CRYBB3: variants seen among roughly 807,000 people sequenced by gnomAD.
CRYBB3 encodes the protein crystallin beta B3.
A neutral mutation model predicts 28.3 loss-of-function variants in CRYBB3; 35 were observed. The ratio of observed to expected loss-of-function variants is 1.24; its 90% confidence interval spans 0.95 to 1.64. The LOEUF is 1.64. Ranked by LOEUF, CRYBB3 falls within the 40% of genes most tolerant of loss-of-function variation. CRYBB3 has a pLI of 0.00. For missense variants in CRYBB3, 296 were observed against 297.4 expected (o/e 1.00, Z 0.04); for synonymous variants, 106 against 110.4 (o/e 0.96, Z 0.25).
At chr22:25,202,247 A>G (rs1471262270) in intron 2 of CRYBB3, among the ~76,000 whole-genome samples, 2 of 152,152 alleles carry the variant, frequency 1.3e-5, no homozygotes, top group African/African-American at 4.8e-5. Context: ...GGCTTGGGGC[A>G]GGCAGAGGTC....
intron 4 of CRYBB3, among the ~76,000 whole-genome samples, chr22:25,204,107 C>T (rs997156857): frequency 1.3e-5 from 2 of 152,200 alleles, no homozygotes; most frequent in Admixed American, 1.3e-4. Flanking sequence ...CACCAGGACT[C>T]ACATCTTGAA....
chr22:25,205,381 A>C lies in CRYBB3; in HGVS notation c.470+19A>C. 1 of 1,613,362 alleles carries C rather than the reference A, an allele frequency of 6.2e-7. No homozygotes were observed. The highest frequency in any genetic ancestry group is 8.5e-7 in the Non-Finnish European group (1 of 1,179,710). On this transcript the variant is annotated intron_variant, in intron 5 of 5. Transcript: ENST00000215855. ...ACGGGACGTAAGGGACCCAACCCTC[A>C]CCCTTGCCCCATCTTCTGGTCAGCC...
At chr22:25,204,595 T>C (rs1207552987) in intron 4 of CRYBB3, among the ~76,000 whole-genome samples, 1 of 152,194 alleles carries the variant, frequency 6.6e-6, no homozygotes, top group African/African-American at 2.4e-5. Context: ...TTTTTGTATT[T>C]TTAGTAGAGG....
In CRYBB3 at chr22:25,203,915, A is replaced by G. The variant is rs746418605; in HGVS notation, c.327+20A>G. The G allele has an allele frequency of 1.5e-5, 24 of 1,613,850 alleles. No homozygotes were observed. The highest frequency in any genetic ancestry group is 2.2e-5 in the East Asian group (1 of 44,882). On this transcript the variant is annotated intron_variant, in intron 4 of 5. Transcript: ENST00000215855. ...AATATTGTGAGTGTGGTTCCTGCTC[A>G]CTTCTGGGTGTTCCTGGAAGCAGGG...
chr22:25,201,211 C>T (rs181322412), intron 1 of CRYBB3, among the ~76,000 whole-genome samples, 166 bp from the exon 2 acceptor site: 1 of 152,278 alleles, frequency 6.6e-6, no homozygotes, highest in East Asian at 1.9e-4. Flanking sequence ...CCACGTGGCC[C>T]ATGGCAGGTG....
At chr22:25,201,139 C>T (rs1934940012) in intron 1 of CRYBB3, among the ~76,000 whole-genome samples, 1 of 152,100 alleles carries the variant, frequency 6.6e-6, no homozygotes, top group South Asian at 2.1e-4. Context: ...GAAGTGGCCT[C>T]ACTTTGCTGA....
Position 25,205,691 on chromosome 22 carries a change from CCT to C in CRYBB3, c.470+331_470+332del, listed in dbSNP as rs540702165. On this transcript the variant is annotated intron_variant, in intron 5 of 5. Coordinates refer to ENST00000215855, the MANE Select transcript of CRYBB3 (RefSeq NM_004076.5). ...AGCCAGGATGGTCTCAATCTCCTGACCTCATGATCTGCCCGCCTCGGCCTCCC... is the reference window on the plus strand; with the variant it reads ...AGCCAGGATGGTCTCAATCTCCTGACCATGATCTGCCCGCCTCGGCCTCCC... 1.0e-3 allele frequency among the ~76,000 whole-genome samples: 154 copies of C among 152,204 alleles called. 1 individual carries two copies. Among genetic ancestry groups the C allele is most frequent in the Non-Finnish European group, 1.7e-3 (114 of 68,000 alleles).
At position 25,207,110 on chromosome 22, in the gene CRYBB3, C is replaced by T; in HGVS notation, c.534C>T (p.Tyr178=). 1 of 1,613,326 alleles carries T rather than the reference C, an allele frequency of 6.2e-7. No individual in the cohort carries two copies. Among genetic ancestry groups the T allele is most frequent in the Non-Finnish European group, 8.5e-7 (1 of 1,179,534 alleles). ...AGTACGTGTTTGAGCGGGGCGAGTA[C>T]CGCCACTGGAATGAGTGGGACGCCA... ...GRQYVFERGE[Y]RHWNEWDASQ... Residue 178 remains tyrosine (Y), a synonymous_variant, in exon 6 of 6, where the codon TAC becomes TAT. Coordinates refer to ENST00000215855, the MANE Select transcript of CRYBB3 (RefSeq NM_004076.5).
chr22:25,205,500 C>A, intron 5 of CRYBB3, 138 bp downstream of exon 5: 1 of 1,107,974 alleles, frequency 9.0e-7, no homozygotes, highest in South Asian at 2.2e-5. Flanking sequence ...TGCTCTGTCG[C>A]CCAGGCTGGA....
chr22:25,201,379 A>G lies in CRYBB3; in HGVS notation c.-18A>G, dbSNP rs374542918. 36 of 1,612,782 alleles carry G rather than the reference A, an allele frequency of 2.2e-5. No individual in the cohort carries two copies. In the African/African-American group the frequency reaches 3.9e-4, roughly 17 times the overall value. On this transcript the variant is annotated splice_region_variant and 5_prime_UTR_variant, in exon 2 of 6. Transcript: ENST00000215855. Reference sequence around the variant, plus strand: ...AACCATTTTCTTTTGGTTTGAAGCCAGAGGTGTTCCTGGGGAGATGGCGGA... The same window carrying G: ...AACCATTTTCTTTTGGTTTGAAGCCGGAGGTGTTCCTGGGGAGATGGCGGA...
In CRYBB3 at chr22:25,203,870, T is replaced by A; in HGVS notation, c.302T>A (p.Leu101His). 4 of 1,614,216 alleles carry A rather than the reference T, an allele frequency of 2.5e-6. No individual in the cohort carries two copies. The highest frequency in any genetic ancestry group is 3.4e-6 in the Non-Finnish European group (4 of 1,180,032). The change falls in exon 4 of 6, where the codon CTT becomes CAT. Residue 101 changes from leucine to histidine, a missense_variant. Leu to His is a moderately conservative substitution (Grantham distance 99, BLOSUM62 -3). Transcript: ENST00000215855. ...TCCAACAGCCGTGATAGTGACAGCC[T>A]TCTGTCCCTCCGGCCTCTGAATATT... ...AWSNSRDSDS[L>H]LSLRPLNIDS...
In CRYBB3 at chr22:25,207,056, CTA is replaced by C; in HGVS notation, c.482_483del (p.Tyr161Ter). The stretch of plus-strand genomic sequence containing the variant: ...CTTGGTCTCCCGGCAGGTGGGTTGG[CTA>C]TGAGTTCCCCGGCTACCGTGGGCGC... ...VRAINGTWVG[Y>X]EFPGYRGRQY... On this transcript the variant is annotated frameshift_variant, in exon 6 of 6. Transcript: ENST00000215855. LOFTEE classifies it high-confidence loss of function. The C allele has an allele frequency of 6.2e-7, 1 of 1,613,372 alleles. No individual in the cohort carries two copies. Among genetic ancestry groups the C allele is most frequent in the South Asian group, 1.1e-5 (1 of 91,078 alleles).
At chr22:25,201,728 C>T (rs1014733207) in intron 2 of CRYBB3, among the ~76,000 whole-genome samples, 2 of 122,042 alleles carry the variant, frequency 1.6e-5, no homozygotes, top group African/African-American at 7.4e-5. Flanking sequence ...CAGAGAGGCC[C>T]GGGGGTTTCT....
Position 25,202,689 on chromosome 22 carries a change from C to A in CRYBB3, c.91C>A (p.Leu31Ile). 1.9e-6 allele frequency: 3 copies of A among 1,614,052 alleles called. No homozygotes were observed. Among genetic ancestry groups the A allele is most frequent in the Non-Finnish European group, 2.5e-6 (3 of 1,179,968 alleles). The change falls in exon 3 of 6, where the codon CTA becomes ATA. Residue 31 changes from leucine to isoleucine, a missense_variant. Physicochemically the swap from Leu to Ile is conservative, Grantham distance 5. Transcript: ENST00000215855. ...GGSYKVILYELENFQGKRCEL... is the reference protein window; with the variant it reads ...GGSYKVILYEIENFQGKRCEL... ...GCTCTTCTAGGTGATCTTGTACGAA[C>A]TAGAGAACTTCCAAGGCAAACGCTG...
At chr22:25,205,157 G>A in intron 4 of CRYBB3, 63 bp from the exon 5 acceptor site, 1 of 1,607,646 alleles carries the variant, frequency 6.2e-7, no homozygotes, top group Non-Finnish European at 8.5e-7. Context: ...CCGGCATCTG[G>A]AGCCTCCTTG....
At chr22:25,206,602 C>G (rs2283809) in intron 5 of CRYBB3, among the ~76,000 whole-genome samples, 2 of 151,888 alleles carry the variant, frequency 1.3e-5, no homozygotes, top group African/African-American at 4.8e-5. Flanking sequence ...GTATTCACAA[C>G]GTATTGTGAT....
At chr22:25,201,701 T>C (rs1934951932) in intron 2 of CRYBB3, among the ~76,000 whole-genome samples, 1 of 151,856 alleles carries the variant, frequency 6.6e-6, no homozygotes, top group South Asian at 2.1e-4. Context: ...ACCCACATCC[T>C]GCCTGCACCA....
chr22:25,200,448 GGAGAGAGAGA>G (rs139965114), intron 1 of CRYBB3, among the ~76,000 whole-genome samples: 1 of 150,672 alleles, frequency 6.6e-6, no homozygotes, highest in South Asian at 2.1e-4. Flanking sequence ...GTGTGTGTGA[GGAGAGAGAGA>G]GAGAGAGAGA....
intron 4 of CRYBB3, among the ~76,000 whole-genome samples, chr22:25,204,982 T>C (rs1935005843): frequency 6.6e-6 from 1 of 152,206 alleles, no homozygotes; most frequent in Non-Finnish European, 1.5e-5. Flanking sequence ...AAATTCCTTT[T>C]CAGTTTTATA....
Sources: allele counts gnomAD v4.1 joint callset (sites outside exome capture counted in the v4.1 genomes callset), GRCh38; gene constraint gnomAD v4.1.1; transcripts MANE v1.5; gene names NCBI Gene and HGNC (gene_info 2026-07-23, HGNC 2026-07-21).